The following MICAL3 variants were observed in gnomAD, a reference collection of about 807,000 sequenced individuals.
MICAL3 encodes [F-actin]-monooxygenase MICAL3.
MICAL3 carries 62 observed loss-of-function variants against 207.4 expected under a neutral mutation model. The ratio of observed to expected loss-of-function variants is 0.30; its 90% CI spans 0.24 to 0.37. The LOEUF (loss-of-function observed/expected upper bound fraction) is 0.37. Among genes scored for constraint, MICAL3 ranks in the 10% least tolerant of loss-of-function variants. MICAL3 has a pLI of 1.00. For missense variants in MICAL3, 2,368 were observed against 2,635.6 expected, an observed-to-expected ratio of 0.90 and a Z score of 2.22; for synonymous variants, 1,077 against 1,069.3, an observed-to-expected ratio of 1.01 and a Z score of -0.14.
intron 19 of MICAL3, among the ~76,000 whole-genome samples, chr22:17,855,530 C>T (rs994173477): frequency 6.6e-6 from 1 of 152,154 alleles, no homozygotes; most frequent in Non-Finnish European, 1.5e-5. Flanking sequence ...ACTGGCAGGG[C>T]GGACGGATGG....
At chr22:17,809,089 A>C (rs571393509) in intron 28 of MICAL3, among the ~76,000 whole-genome samples, 152 bp from the exon 29 acceptor site, 1 of 152,302 alleles carries the variant, frequency 6.6e-6, no homozygotes, top group Non-Finnish European at 1.5e-5. Flanking sequence ...TGGCGTGGAG[A>C]CCACCTGCAC....
chr22:17,817,360 C>T lies in MICAL3; in HGVS notation c.5301G>A (p.Gly1767=), dbSNP rs1921119992. 6.2e-6 allele frequency: 10 copies of T among 1,611,006 alleles called. No individual in the cohort carries two copies. Among genetic ancestry groups the T allele is most frequent in the Non-Finnish European group, 8.5e-6 (10 of 1,179,038 alleles). Residue 1767 remains glycine (G), a synonymous_variant, in exon 26 of 32, where the codon GGG becomes GGA. Coordinates refer to ENST00000441493, the MANE Select transcript of MICAL3 (RefSeq NM_015241.3). ...TGTGCTTTCCAGAGTCCACCGTGGC[C>T]CCGCTGGAGGGGGTGCTGGGGCAGG... The part of the protein sequence containing the change: ...DKSCPSTPSS[G]ATVDSGKHRV...
chr22:17,896,412 A>C, intron 8 of MICAL3, 51 bp from the exon 9 acceptor site: 3 of 1,116,602 alleles, frequency 2.7e-6, no homozygotes, highest in Non-Finnish European at 4.0e-6. Context: ...ACCTTTCAAA[A>C]TGGGAAAAAT....
intron 20 of MICAL3, chr22:17,834,525 G>A: frequency 8.2e-7 from 1 of 1,213,400 alleles, no homozygotes; most frequent in Non-Finnish European, 1.1e-6. Context: ...AGACCATCCT[G>A]GGCAACCATG....
intron 1 of MICAL3, among the ~76,000 whole-genome samples, chr22:17,926,415 G>A (rs1028892078): frequency 1.3e-5 from 2 of 152,122 alleles, no homozygotes; most frequent in African/African-American, 2.4e-5. Flanking sequence ...ATGCTCCTCC[G>A]GCTTTTTATG....
chr22:18,011,936 T>C (rs533154970), intron 1 of MICAL3, among the ~76,000 whole-genome samples: 1 of 149,572 alleles, frequency 6.7e-6, no homozygotes, highest in Non-Finnish European at 1.5e-5. Context: ...TAAAAAATTT[T>C]TTAAAAAAGA....
At chr22:17,865,836 G>T in intron 18 of MICAL3, 88 bp downstream of exon 18, 2 of 1,021,402 alleles carry the variant, frequency 2.0e-6, no homozygotes, top group Non-Finnish European at 1.5e-6. Context: ...GGACGCAGGG[G>T]CATTTGCAGG....
chr22:17,885,460 G>GA (rs1349540398), intron 16 of MICAL3, among the ~76,000 whole-genome samples: 2 of 152,024 alleles, frequency 1.3e-5, no homozygotes, highest in South Asian at 2.1e-4. Context: ...AGAATACACT[G>GA]AAAAAAACAC....
chr22:18,005,056 C>T (rs1289122071), intron 1 of MICAL3: 1 of 152,044 alleles, frequency 6.6e-6, no homozygotes, highest in African/African-American at 2.4e-5. Context: ...GCCTCAGCCT[C>T]CCAAGTAGCT....
At chr22:18,022,176 AGG>A (rs769099998) in intron 1 of MICAL3, among the ~76,000 whole-genome samples, 1 of 152,116 alleles carries the variant, frequency 6.6e-6, no homozygotes, top group Non-Finnish European at 1.5e-5. Flanking sequence ...TAACTTTAGA[AGG>A]CAAGGGTTAG....
intron 1 of MICAL3, among the ~76,000 whole-genome samples, chr22:17,953,551 C>T (rs1349009057): frequency 2.6e-5 from 4 of 152,098 alleles, no homozygotes; most frequent in African/African-American, 7.2e-5. Context: ...CTCTCTGGGA[C>T]ATGGGGGCTA....
At chr22:17,798,196 C>T (rs2061897123) in intron 29 of MICAL3, among the ~76,000 whole-genome samples, 1 of 152,216 alleles carries the variant, frequency 6.6e-6, no homozygotes, top group Non-Finnish European at 1.5e-5. Flanking sequence ...ACTCTATTTC[C>T]ACGTGAAAAT....
chr22:17,913,874 A>C (rs974522207), intron 1 of MICAL3, among the ~76,000 whole-genome samples: 3 of 152,168 alleles, frequency 2.0e-5, no homozygotes, highest in African/African-American at 4.8e-5. Flanking sequence ...GGCACCCAAT[A>C]AACACAATCA....
chr22:17,866,608 CAGAACAGAATAGAAT>C lies in MICAL3; in HGVS notation c.2429-611_2429-597del, dbSNP rs1233677863. On this transcript the variant is annotated intron_variant, in intron 17 of 31. Transcript: ENST00000441493. ...TAGGATGGAAGGGAACAGCATAGAA[CAGAACAGAATAGAAT>C]AGAATAGAATAGAATAGAATAGAAT... Among the ~76,000 whole-genome samples, 108 of 123,200 alleles carry C rather than the reference CAGAACAGAATAGAAT, an allele frequency of 8.8e-4. No individual in the cohort carries two copies. In the East Asian group the frequency reaches 9.1e-3, roughly 10 times the overall value. The allele number at this position is 123,200 out of a possible 152,430, so 80.8% of individuals were successfully genotyped here.
At chr22:17,970,904 G>T (rs1307160642) in intron 1 of MICAL3, among the ~76,000 whole-genome samples, 1 of 152,110 alleles carries the variant, frequency 6.6e-6, no homozygotes, top group African/African-American at 2.4e-5. Context: ...TCTGGAGGCC[G>T]GGCATAGTGG....
At chr22:17,891,682 C>A (rs1488990779) in intron 11 of MICAL3, 50 bp from the exon 12 acceptor site, 1 of 1,580,378 alleles carries the variant, frequency 6.3e-7, no homozygotes, top group Non-Finnish European at 8.7e-7. Context: ...CCTGGTAATG[C>A]TGACAGAGAA....
chr22:17,847,493 G>A (rs892798222), intron 19 of MICAL3, among the ~76,000 whole-genome samples: 1 of 152,036 alleles, frequency 6.6e-6, no homozygotes, highest in African/African-American at 2.4e-5. Flanking sequence ...CCCTGCAGGC[G>A]CTCAGGCACA....
At chr22:17,881,877 TC>T (rs1929463041) in intron 16 of MICAL3, among the ~76,000 whole-genome samples, 1 of 151,988 alleles carries the variant, frequency 6.6e-6, no homozygotes, top group East Asian at 1.9e-4. Flanking sequence ...CATATACATG[TC>T]CCTGGCTTTT....
chr22:17,792,238 T>C (rs967386587), intron 29 of MICAL3, among the ~76,000 whole-genome samples: 4 of 152,210 alleles, frequency 2.6e-5, no homozygotes, highest in Admixed American at 6.5e-5. Flanking sequence ...ATACATGCTG[T>C]GTCAGTGGCT....
Sources: gnomAD v4.1 joint callset for allele counts (sites outside exome capture counted in the v4.1 genomes callset) on GRCh38, gnomAD v4.1.1 for gene constraint, MANE v1.5 for transcripts, NCBI Gene and HGNC (gene_info 2026-07-23, HGNC 2026-07-21) for gene names.